The following ANP32A variants were observed in gnomAD, a reference collection of about 807,000 sequenced individuals.
ANP32A encodes acidic leucine-rich nuclear phosphoprotein 32 family member A.
Under a neutral mutation model 33.9 loss-of-function variants are expected in ANP32A, and 1 was observed. The observed-to-expected ratio is 0.03, with a 90% CI of 0.01 to 0.14. ANP32A has a LOEUF of 0.14. Among genes scored for constraint, ANP32A ranks in the 10% least tolerant of loss-of-function variants. The pLI is 1.00. For missense variants in ANP32A, 155 were observed against 306.0 expected (o/e 0.51, Z 3.68); for synonymous variants, 115 against 120.5 (o/e 0.95, Z 0.30).
chr15:68,780,008 G>GC lies in ANP32A; in HGVS notation c.*72_*73insG. The GC allele has an allele frequency of 1.5e-6, 1 of 659,056 alleles. No homozygotes were observed. The highest frequency in any genetic ancestry group is 3.0e-5 in the South Asian group (1 of 33,494). The allele number at this position is 659,056 out of a possible 1,614,324, so 40.8% of individuals were successfully genotyped here. On this transcript the variant is annotated 3_prime_UTR_variant, in exon 7 of 7. Transcript: ENST00000465139. This position sits in a 1 kb window ranked among gnomAD's most constrained non-coding sequence, Gnocchi z 4.3. Reference sequence around the variant, plus strand: ...ATAAGTTTCAGGGGGCAGGATTGGAGGGGGGGGGGAGAGGGGATATGGGTA... The same window carrying GC: ...ATAAGTTTCAGGGGGCAGGATTGGAGCGGGGGGGGGAGAGGGGATATGGGTA...
chr15:68,786,892 T>C (rs574386917), intron 3 of ANP32A, among the ~76,000 whole-genome samples: 4 of 152,232 alleles, frequency 2.6e-5, no homozygotes, highest in African/African-American at 9.6e-5. Context: ...CCACACCACG[T>C]TGAGGAAGGC....
chr15:68,808,289 A>G (rs1335071519), intron 1 of ANP32A, among the ~76,000 whole-genome samples: 1 of 152,152 alleles, frequency 6.6e-6, no homozygotes, highest in Non-Finnish European at 1.5e-5. Flanking sequence ...GAGCCTGGGT[A>G]TTGCTTCAGA....
At chr15:68,818,295 C>G (rs1230705616) in intron 1 of ANP32A, 1 of 262,050 alleles carries the variant, frequency 3.8e-6, no homozygotes, top group African/African-American at 2.3e-5. Context: ...GCTCCCGGAG[C>G]CCAGTTGGGA....
chr15:68,779,866 T>TAA lies in ANP32A; in HGVS notation c.*213_*214dup. 1.9e-6 allele frequency: 1 copy of TAA among 532,212 alleles called. No individual in the cohort carries two copies. The highest frequency in any genetic ancestry group is 3.3e-6 in the Non-Finnish European group (1 of 302,146). 33.0% of individuals were successfully genotyped at this position (532,212 alleles called of 1,614,324 possible). A position where few individuals can be genotyped will look rare whatever the true frequency, so the allele number is the denominator to read the frequency against. ...ACAAAGAAAAAGTAGGGGAAAAAAATAAAGAGTGGCAGTAAAAATAGTATT... is the reference window on the plus strand; with the variant it reads ...ACAAAGAAAAAGTAGGGGAAAAAAATAAAAAGAGTGGCAGTAAAAATAGTATT... On this transcript the variant is annotated 3_prime_UTR_variant, in exon 7 of 7. Transcript: ENST00000465139.
At chr15:68,787,375 C>T (rs1426373314) in intron 3 of ANP32A, 38 bp downstream of exon 3, 1 of 1,613,922 alleles carries the variant, frequency 6.2e-7, no homozygotes, top group South Asian at 1.1e-5. Flanking sequence ...CCTCCCACCT[C>T]CTACCCCTGC....
chr15:68,789,285 T>C (rs986942997), intron 1 of ANP32A: 1 of 152,790 alleles, frequency 6.5e-6, no homozygotes, highest in African/African-American at 2.4e-5. Flanking sequence ...GGAACTTCCA[T>C]GCACAGGCCC....
chr15:68,793,309 A>C (rs1364856265), intron 1 of ANP32A, among the ~76,000 whole-genome samples: 1 of 152,216 alleles, frequency 6.6e-6, no homozygotes, highest in Non-Finnish European at 1.5e-5. Flanking sequence ...ATGTTGAATG[A>C]ACCCTATCTT....
chr15:68,799,008 G>A (rs1003112562), intron 1 of ANP32A, among the ~76,000 whole-genome samples: 1 of 152,184 alleles, frequency 6.6e-6, no homozygotes, highest in Non-Finnish European at 1.5e-5. Context: ...TCTATCCAAG[G>A]CCACAAAACA....
At chr15:68,794,772 T>C (rs1049766793) in intron 1 of ANP32A, among the ~76,000 whole-genome samples, 2 of 134,360 alleles carry the variant, frequency 1.5e-5, no homozygotes, top group African/African-American at 5.0e-5. Context: ...GTGAAAGCTC[T>C]GACAGAAAAG....
At chr15:68,805,559 G>A (rs183322390) in intron 1 of ANP32A, among the ~76,000 whole-genome samples, 10 of 152,338 alleles carry the variant, frequency 6.6e-5, no homozygotes, top group Admixed American at 1.3e-4. Flanking sequence ...AGCAGTGGCC[G>A]GCTATTATAC....
At chr15:68,809,088 A>G (rs903055398) in intron 1 of ANP32A, among the ~76,000 whole-genome samples, 2 of 152,148 alleles carry the variant, frequency 1.3e-5, no homozygotes, top group African/African-American at 4.8e-5. Flanking sequence ...GGCAGAGAGA[A>G]CCCGGGGGTT....
chr15:68,801,219 G>GAAAAAA (rs745414575), intron 1 of ANP32A, among the ~76,000 whole-genome samples: 1 of 111,140 alleles, frequency 9.0e-6, no homozygotes. Context: ...AGAAGAAGAA[G>GAAAAAA]AAAAAAAAAA....
chr15:68,786,109 G>T (rs1893928590), intron 3 of ANP32A, among the ~76,000 whole-genome samples: 1 of 152,146 alleles, frequency 6.6e-6, no homozygotes, highest in African/African-American at 2.4e-5. Flanking sequence ...GTGCCTTTTG[G>T]GACAGAAACC....
chr15:68,818,622 A>T (rs1567041547), intron 1 of ANP32A, among the ~76,000 whole-genome samples: 13 of 151,282 alleles, frequency 8.6e-5, no homozygotes. Context: ...CCTCCCCAAC[A>T]CACACACACA....
intron 1 of ANP32A, among the ~76,000 whole-genome samples, chr15:68,799,862 A>C (rs774219375): frequency 1.4e-4 from 22 of 152,224 alleles, no homozygotes; most frequent in Admixed American, 3.3e-4. Context: ...CATGATCACT[A>C]TCTCTCTCCA....
chr15:68,815,923 C>A (rs543182047), intron 1 of ANP32A, among the ~76,000 whole-genome samples: 6 of 152,294 alleles, frequency 3.9e-5, no homozygotes, highest in South Asian at 2.1e-4. Flanking sequence ...TAAAGACATG[C>A]CAGTTATGTT....
At position 68,783,751 on chromosome 15, in the gene ANP32A, G is replaced by A. The variant is rs897921126; in HGVS notation, c.526+646C>T. 5.3e-5 allele frequency among the ~76,000 whole-genome samples: 8 copies of A among 151,338 alleles called. No individual in the cohort carries two copies. The East Asian group carries it at 9.7e-4, about 18-fold the overall frequency. ...TCCCTCCTTCCTTCCTGTAGGCCTC[G>A]ACTACACACCACACTGCCAGGGAAC... On this transcript the variant is annotated intron_variant, in intron 4 of 6. Transcript: ENST00000465139.
chr15:68,783,138 T>C (rs1390031743), intron 4 of ANP32A, 85 bp from the exon 5 acceptor site: 2 of 1,530,868 alleles, frequency 1.3e-6, no homozygotes, highest in African/African-American at 2.7e-5. Context: ...TTGTAGCGTC[T>C]TCAGTGTGGG....
intron 1 of ANP32A, among the ~76,000 whole-genome samples, chr15:68,804,813 G>A (rs2140369293): frequency 6.6e-6 from 1 of 152,366 alleles, no homozygotes; most frequent in Middle Eastern, 3.4e-3. Flanking sequence ...GCACGCGGCT[G>A]TGTCTGCCTT....
Sources: gnomAD v4.1 joint callset for allele counts (sites outside exome capture counted in the v4.1 genomes callset) on GRCh38, gnomAD v4.1.1 for gene constraint, Gnocchi (gnomAD v3.1) non-coding constraint, MANE v1.5 for transcripts, NCBI Gene and HGNC (gene_info 2026-07-23, HGNC 2026-07-21) for gene names.